DLGAP1: variants seen among roughly 807,000 people sequenced by gnomAD.
DLGAP1 encodes DLG associated protein 1.
In DLGAP1, 11 loss-of-function variants were observed where a neutral mutation model predicts 90.8. The observed-to-expected ratio is 0.12, with a 90% CI of 0.08 to 0.20. The LOEUF (loss-of-function observed/expected upper bound fraction) is 0.20. DLGAP1 is among the 10% of genes least tolerant of loss of function. The pLI is 1.00. For synonymous variants in DLGAP1, 558 were observed against 540.7 expected, an observed-to-expected ratio of 1.03 and a Z score of -0.44; for missense variants, 1,050 against 1,333.8, an observed-to-expected ratio of 0.79 and a Z score of 3.31.
At chr18:4,445,980 C>G (rs964298935) in intron 1 of DLGAP1, among the ~76,000 whole-genome samples, 5 of 152,034 alleles carry the variant, frequency 3.3e-5, no homozygotes, top group African/African-American at 1.2e-4. Flanking sequence ...ACCCCTGAGG[C>G]TCCTTGTCCT....
At chr18:4,162,179 T>C (rs980635911) in intron 1 of DLGAP1, among the ~76,000 whole-genome samples, 1 of 152,130 alleles carries the variant, frequency 6.6e-6, no homozygotes, top group African/African-American at 2.4e-5. Context: ...CAAACTGTTA[T>C]GGAAATAAGG....
chr18:4,306,426 AGT>A (rs60225266), intron 1 of DLGAP1, among the ~76,000 whole-genome samples: 22,919 of 130,144 alleles, frequency 0.18, 2,134 homozygotes, highest in East Asian at 0.36. Flanking sequence ...AGAAAGTAAG[AGT>A]GTGTGTGTGT....
At chr18:3,964,747 GT>G (rs1282099560) in intron 3 of DLGAP1, among the ~76,000 whole-genome samples, 1 of 152,182 alleles carries the variant, frequency 6.6e-6, no homozygotes, top group Non-Finnish European at 1.5e-5. Context: ...AGAATACCAG[GT>G]GTGCTTTAAC....
At chr18:4,317,930 C>T (rs1194180699) in intron 1 of DLGAP1, among the ~76,000 whole-genome samples, 1 of 151,408 alleles carries the variant, frequency 6.6e-6, no homozygotes, top group Non-Finnish European at 1.5e-5. Context: ...TCACTGCAAC[C>T]TCCGCCTCGT....
chr18:4,087,585 T>G (rs569208686), intron 2 of DLGAP1, among the ~76,000 whole-genome samples: 1 of 152,184 alleles, frequency 6.6e-6, no homozygotes, highest in Non-Finnish European at 1.5e-5. Context: ...GGCTCTCAGC[T>G]CTGAAGGCTG....
chr18:3,990,981 T>C lies in DLGAP1; in HGVS notation c.-73+14135A>G, dbSNP rs369684902. ...TTATGTGAAGATTTAATGGAGTTAT[T>C]AGTTTTCCTTTCCAACTTTTATTTT... On this transcript the variant is annotated intron_variant, in intron 3 of 12. Coordinates refer to ENST00000315677, the MANE Select transcript of DLGAP1 (RefSeq NM_004746.4). 7.9e-5 allele frequency among the ~76,000 whole-genome samples: 12 copies of C among 152,208 alleles called. 1 individual carries two copies. The South Asian group carries it at 1.2e-3, about 16-fold the overall frequency.
At chr18:3,733,341 A>G (rs2062515378) in intron 6 of DLGAP1, among the ~76,000 whole-genome samples, 1 of 152,162 alleles carries the variant, frequency 6.6e-6, no homozygotes, top group Non-Finnish European at 1.5e-5. Context: ...TGATGATACA[A>G]GATTGATATG....
intron 4 of DLGAP1, among the ~76,000 whole-genome samples, chr18:3,878,847 CATA>C (rs757878288): frequency 1.3e-5 from 2 of 152,144 alleles, no homozygotes; most frequent in Admixed American, 6.5e-5. Flanking sequence ...AGAGGAAGCC[CATA>C]ATAACTGGTT....
At chr18:4,010,487 G>T (rs1228797992) in intron 2 of DLGAP1, among the ~76,000 whole-genome samples, 1 of 152,182 alleles carries the variant, frequency 6.6e-6, no homozygotes, top group Non-Finnish European at 1.5e-5. Flanking sequence ...GGTCAAGGCT[G>T]CAGTGAGCCA....
At chr18:4,039,777 T>G (rs1852549740) in intron 2 of DLGAP1, among the ~76,000 whole-genome samples, 1 of 152,186 alleles carries the variant, frequency 6.6e-6, no homozygotes, top group African/African-American at 2.4e-5. Flanking sequence ...ATAAAACAAT[T>G]AAGAACCAAT....
intron 2 of DLGAP1, among the ~76,000 whole-genome samples, chr18:4,018,595 G>GCATATAA (rs2074559763): frequency 1.3e-5 from 2 of 152,206 alleles, no homozygotes; most frequent in Non-Finnish European, 2.9e-5. Flanking sequence ...CATGTAACCT[G>GCATATAA]CATATAAAGG....
intron 1 of DLGAP1, among the ~76,000 whole-genome samples, chr18:4,268,607 C>T (rs1365748097): frequency 6.6e-6 from 1 of 152,130 alleles, no homozygotes; most frequent in East Asian, 1.9e-4. Context: ...TATCTTGTAA[C>T]TACAATTTCA....
chr18:4,442,008 T>C (rs553909143), intron 1 of DLGAP1, among the ~76,000 whole-genome samples: 28 of 152,324 alleles, frequency 1.8e-4, no homozygotes, highest in Admixed American at 1.7e-3. Context: ...GTTTGTTCTT[T>C]TGAGACAGAA....
At chr18:4,121,358 C>T (rs975729092) in intron 2 of DLGAP1, among the ~76,000 whole-genome samples, 2 of 152,106 alleles carry the variant, frequency 1.3e-5, no homozygotes, top group African/African-American at 4.8e-5. Context: ...GTTGGCCAGA[C>T]TTTATGTAGG....
Position 4,065,972 on chromosome 18 carries a change from T to C in DLGAP1, c.-158-60771A>G, listed in dbSNP as rs374197646. Among the ~76,000 whole-genome samples, 33 of 152,050 alleles carry C rather than the reference T, an allele frequency of 2.2e-4. 1 individual carries two copies. The highest frequency in any genetic ancestry group is 7.7e-4 in the African/African-American group (32 of 41,456). ...ATGGTGCTAGTACAAAACAGACACATAGACCAAGGGAACAGCATAGAGAAG... is the reference window on the plus strand; with the variant it reads ...ATGGTGCTAGTACAAAACAGACACACAGACCAAGGGAACAGCATAGAGAAG... On this transcript the variant is annotated intron_variant, in intron 2 of 12. Coordinates refer to ENST00000315677, the MANE Select transcript of DLGAP1 (RefSeq NM_004746.4).
intron 1 of DLGAP1, among the ~76,000 whole-genome samples, chr18:4,354,695 C>A (rs2081469679): frequency 6.6e-6 from 1 of 151,764 alleles, no homozygotes; most frequent in South Asian, 2.1e-4. Flanking sequence ...TACACTGCTC[C>A]TCATCTTCAT....
At chr18:4,000,274 C>T (rs1334724018) in intron 3 of DLGAP1, among the ~76,000 whole-genome samples, 1 of 151,988 alleles carries the variant, frequency 6.6e-6, no homozygotes, top group Non-Finnish European at 1.5e-5. Flanking sequence ...TAGCTAATAA[C>T]CCCTTCTTCA....
At chr18:3,697,421 T>C (rs1381196168) in intron 7 of DLGAP1, among the ~76,000 whole-genome samples, 1 of 152,170 alleles carries the variant, frequency 6.6e-6, no homozygotes, top group East Asian at 1.9e-4. Flanking sequence ...AATAACTTAT[T>C]TATTTCTTCC....
At chr18:3,746,751 A>C (rs1381239254) in intron 5 of DLGAP1, among the ~76,000 whole-genome samples, 2 of 152,216 alleles carry the variant, frequency 1.3e-5, no homozygotes, top group Non-Finnish European at 2.9e-5. Context: ...GTAATTAGAG[A>C]AATGTGGATT....
Sources: gnomAD v4.1 joint callset for allele counts (sites outside exome capture counted in the v4.1 genomes callset) on GRCh38, gnomAD v4.1.1 for gene constraint, MANE v1.5 for transcripts, NCBI Gene and HGNC (gene_info 2026-07-23, HGNC 2026-07-21) for gene names.